The following EPB41L5 variants were observed in gnomAD, a reference collection of about 807,000 sequenced individuals.
EPB41L5 encodes the protein erythrocyte membrane protein band 4.1 like 5.
EPB41L5 carries 55 observed loss-of-function variants against 106.6 expected under a neutral mutation model. That is an observed-to-expected ratio of 0.52 (90% CI 0.42 to 0.65). The LOEUF is 0.65. EPB41L5 is among the 30% of genes least tolerant of loss of function. The probability of loss-of-function intolerance (pLI) is 0.00; values close to 1 mark genes in which losing one functional copy is unlikely to be tolerated. For missense variants in EPB41L5, 871 were observed against 882.1 expected (o/e 0.99, Z 0.16); for synonymous variants, 297 against 306.7 (o/e 0.97, Z 0.33).
At chr2:120,029,157 C>T (rs982120897) in intron 2 of EPB41L5, among the ~76,000 whole-genome samples, 4 of 151,828 alleles carry the variant, frequency 2.6e-5, no homozygotes, top group East Asian at 1.9e-4. Context: ...TCAGTAATTG[C>T]GGTTTTTGTT....
chr2:120,020,083 A>G (rs1165317002), intron 2 of EPB41L5, among the ~76,000 whole-genome samples: 1 of 152,132 alleles, frequency 6.6e-6, no homozygotes, highest in Non-Finnish European at 1.5e-5. Flanking sequence ...GCTAATACCA[A>G]ATCTCTTTCT....
At chr2:120,109,620 C>G (rs1225230405) in intron 16 of EPB41L5, among the ~76,000 whole-genome samples, 1 of 152,162 alleles carries the variant, frequency 6.6e-6, no homozygotes, top group Non-Finnish European at 1.5e-5. Context: ...ATCATTTGAG[C>G]AATCCTCCGT....
Position 120,040,087 on chromosome 2 carries a change from A to G in EPB41L5, c.181-1919A>G, listed in dbSNP as rs555909769. ...CTGTGCTTTTTATATATATATATAT[A>G]CGTATTTAAATGGATAAGTAATATG... On this transcript the variant is annotated intron_variant, in intron 2 of 24. Transcript: ENST00000263713. 6.2e-4 allele frequency among the ~76,000 whole-genome samples: 71 copies of G among 115,166 alleles called. No individual in the cohort carries two copies. In the South Asian group the frequency reaches 0.016, roughly 25 times the overall value. 75.6% of individuals were successfully genotyped at this position (115,166 alleles called of 152,430 possible). A position where few individuals can be genotyped will look rare whatever the true frequency, so the allele number is the denominator to read the frequency against.
At chr2:120,165,610 A>G (rs1418666720) in intron 22 of EPB41L5, among the ~76,000 whole-genome samples, 1 of 152,178 alleles carries the variant, frequency 6.6e-6, no homozygotes, top group Non-Finnish European at 1.5e-5. Context: ...CCACAGATGC[A>G]CAACTCATGG....
intron 16 of EPB41L5, among the ~76,000 whole-genome samples, chr2:120,123,895 C>T (rs1229487706): frequency 6.6e-6 from 1 of 152,048 alleles, no homozygotes; most frequent in East Asian, 1.9e-4. Context: ...TGGACTCCAG[C>T]AATCCTCCCA....
intron 2 of EPB41L5, among the ~76,000 whole-genome samples, chr2:120,027,811 T>G (rs901848231): frequency 6.6e-6 from 1 of 152,206 alleles, no homozygotes; most frequent in Non-Finnish European, 1.5e-5. Flanking sequence ...TTATTTTGAA[T>G]GGGTGAAGGT....
At chr2:120,040,412 A>T (rs756175555) in intron 2 of EPB41L5, among the ~76,000 whole-genome samples, 1 of 152,196 alleles carries the variant, frequency 6.6e-6, no homozygotes, top group Non-Finnish European at 1.5e-5. Context: ...TTTTTTGAGT[A>T]TGGAGAAAGT....
chr2:120,171,228 C>G (rs1687658309), intron 24 of EPB41L5, among the ~76,000 whole-genome samples: 1 of 152,084 alleles, frequency 6.6e-6, no homozygotes, highest in Non-Finnish European at 1.5e-5. Flanking sequence ...AAATCTAAGC[C>G]TGAATAGGGG....
At chr2:120,147,342 C>T (rs1447051316) in intron 20 of EPB41L5, among the ~76,000 whole-genome samples, 2 of 152,084 alleles carry the variant, frequency 1.3e-5, no homozygotes, top group African/African-American at 4.8e-5. Context: ...GAGTGAGACC[C>T]TGGTTTTTTT....
chr2:120,072,331 G>T (rs1681926717), intron 3 of EPB41L5, among the ~76,000 whole-genome samples: 1 of 151,694 alleles, frequency 6.6e-6, no homozygotes, highest in Admixed American at 6.6e-5. Context: ...TTTTTTGGTG[G>T]GGGTGTAAAT....
At chr2:120,066,784 G>C (rs1456346972) in intron 3 of EPB41L5, among the ~76,000 whole-genome samples, 1 of 152,160 alleles carries the variant, frequency 6.6e-6, no homozygotes, top group African/African-American at 2.4e-5. Context: ...CATGGTTTTG[G>C]GGAGAAAATC....
At chr2:120,157,561 G>A (rs1686953893) in intron 20 of EPB41L5, among the ~76,000 whole-genome samples, 1 of 152,066 alleles carries the variant, frequency 6.6e-6, no homozygotes, top group Admixed American at 6.6e-5. Flanking sequence ...CTTGAGACCA[G>A]GTGTTCAAGA....
chr2:120,105,139 A>C (rs909279575), intron 16 of EPB41L5: 2 of 976,418 alleles, frequency 2.0e-6, no homozygotes. Context: ...TTGTATTACT[A>C]TTTTTGATCC....
intron 2 of EPB41L5, among the ~76,000 whole-genome samples, chr2:120,036,786 G>A (rs187150157): frequency 6.6e-6 from 1 of 152,230 alleles, no homozygotes; most frequent in East Asian, 1.9e-4. Flanking sequence ...AGGTGAAGGA[G>A]AAATTAGTGA....
chr2:120,117,986 T>C (rs1274130720), intron 16 of EPB41L5, among the ~76,000 whole-genome samples: 1 of 152,228 alleles, frequency 6.6e-6, no homozygotes. Flanking sequence ...CTGTTTACTT[T>C]TAGTATTTTT....
At chr2:120,084,596 A>G (rs1430622448) in intron 10 of EPB41L5, among the ~76,000 whole-genome samples, 1 of 151,996 alleles carries the variant, frequency 6.6e-6, no homozygotes, top group African/African-American at 2.4e-5. Flanking sequence ...TCTGACAATC[A>G]TGTGTCTTGG....
intron 24 of EPB41L5, among the ~76,000 whole-genome samples, chr2:120,170,548 T>G (rs757407748): frequency 3.5e-4 from 54 of 152,230 alleles, no homozygotes; most frequent in Non-Finnish European, 6.6e-4. Context: ...CTCTCCAAAG[T>G]AGTTCCTTAC....
rs145499969 is a variant in EPB41L5 at position 120,082,041 on chromosome 2, C to A, written c.803+3460C>A. 8.7e-3 allele frequency among the ~76,000 whole-genome samples: 1,323 copies of A among 152,286 alleles called. 18 individuals carry two copies. The highest frequency in any genetic ancestry group is 0.03 in the African/African-American group (1,257 of 41,550). On this transcript the variant is annotated intron_variant, in intron 10 of 24. Coordinates refer to ENST00000263713, the MANE Select transcript of EPB41L5 (RefSeq NM_020909.4). ...TGATGGGGTTTTCTAAATATACAAT[C>A]GTGTCATCTGTGAACAGGGACAGTT...
intron 13 of EPB41L5, among the ~76,000 whole-genome samples, chr2:120,092,565 C>T (rs1683491619): frequency 6.6e-6 from 1 of 152,128 alleles, no homozygotes. Context: ...AATGAATTTG[C>T]ATTAAAATGC....
Sources: gnomAD v4.1 joint callset for allele counts (sites outside exome capture counted in the v4.1 genomes callset) on GRCh38, gnomAD v4.1.1 for gene constraint, MANE v1.5 for transcripts, NCBI Gene and HGNC (gene_info 2026-07-23, HGNC 2026-07-21) for gene names.